The following ORM1 variants were observed in gnomAD, a reference collection of about 807,000 sequenced individuals.
The protein encoded by ORM1 is alpha-1-acid glycoprotein 1.
In ORM1, 13 loss-of-function variants were observed where a neutral mutation model predicts 26.9. That is an observed-to-expected ratio of 0.48 (90% CI 0.31 to 0.77). ORM1 has a LOEUF of 0.77. ORM1 is among the 30% of genes least tolerant of loss of function. The pLI, the probability that ORM1 is intolerant of heterozygous loss-of-function variation, is 0.04. For missense variants in ORM1, 189 were observed against 246.8 expected (o/e 0.77, Z 1.57); for synonymous variants, 76 against 102.2 (o/e 0.74, Z 1.55).
At chr9:114,324,650 G>A (rs1829739185) in intron 3 of ORM1, 140 bp from the exon 4 acceptor site, 1 of 729,986 alleles carries the variant, frequency 1.4e-6, no homozygotes, top group East Asian at 2.7e-5. Flanking sequence ...GCAGGGGCTG[G>A]GCACACGGTG....
chr9:114,323,642 C>G, intron 1 of ORM1, 21 bp from the exon 2 acceptor site: 2 of 1,614,018 alleles, frequency 1.2e-6, no homozygotes, highest in Non-Finnish European at 1.7e-6. Context: ...CCCCCATCAC[C>G]AGCTCCCACC....
rs1126801 is a variant in ORM1, at chr9:114,325,132, G to A, written c.520G>A (p.Val174Met). The A allele has an allele frequency of 0.023, 36,809 of 1,603,804 alleles. 483 individuals carry two copies. The highest frequency in any genetic ancestry group is 0.045 in the African/African-American group (3,261 of 73,032). Residue 174 changes from valine to methionine, a missense_variant, in exon 5 of 6, where the codon GTG (valine) becomes ATG (methionine). This residue lies in a region of ORM1 where 163 missense variants were observed against 157.7 expected (regional missense o/e 1.03). Transcript: ENST00000259396. ...DCLRIPKSDV[V>M]YTDWKKDKCE... ...CTTGCGCATTCCCAAGTCAGATGTC[G>A]TGTACACCGATTGGAAAAAGGTAAA... is the stretch of plus-strand genomic sequence containing the variant.
chr9:114,325,809 C>A (rs1267662623), intron 5 of ORM1, among the ~76,000 whole-genome samples: 9 of 152,082 alleles, frequency 5.9e-5, no homozygotes, highest in Non-Finnish European at 4.4e-5. Context: ...GAGATGACCA[C>A]CAGTGGTGTG....
At chr9:114,326,213 T>C (rs1829766197) in intron 5 of ORM1, 79 bp from the exon 6 acceptor site, 2 of 1,586,486 alleles carry the variant, frequency 1.3e-6, no homozygotes, top group Admixed American at 1.8e-5. Flanking sequence ...GAGCTCATTC[T>C]GCCCTCTCCC....
rs562745161 is a variant in ORM1, at chr9:114,325,114, A to T, written c.502A>T (p.Ile168Phe). ...CTACGAAGCTCTCGACTGCTTGCGCATTCCCAAGTCAGATGTCGTGTACAC... is the reference window on the plus strand; with the variant it reads ...CTACGAAGCTCTCGACTGCTTGCGCTTTCCCAAGTCAGATGTCGTGTACAC... ...EFYEALDCLR[I>F]PKSDVVYTDW... The change falls in exon 5 of 6, where the codon ATT becomes TTT. Residue 168 changes from isoleucine (I) to phenylalanine (F), a missense_variant. Coordinates refer to ENST00000259396, the MANE Select transcript of ORM1 (RefSeq NM_000607.4). 1 of 1,614,010 alleles carries T rather than the reference A, an allele frequency of 6.2e-7. No individual in the cohort carries two copies. The highest frequency in any genetic ancestry group is 8.5e-7 in the Non-Finnish European group (1 of 1,179,878).
intron 2 of ORM1, 67 bp from the exon 3 acceptor site, chr9:114,323,951 T>C (rs1829725844): frequency 1.9e-6 from 3 of 1,600,450 alleles, no homozygotes; most frequent in Admixed American, 1.7e-5. Flanking sequence ...GCCCCAGGAC[T>C]GTGATGGGCG....
intron 3 of ORM1, among the ~76,000 whole-genome samples, 158 bp downstream of exon 3, chr9:114,324,246 G>A (rs1300842323): frequency 6.6e-6 from 1 of 152,150 alleles, no homozygotes; most frequent in African/African-American, 2.4e-5. Context: ...ACTCTAAGAG[G>A]ACACTGAGAG....
At chr9:114,323,953 T>A (rs1022005069) in intron 2 of ORM1, 65 bp from the exon 3 acceptor site, 9 of 1,602,060 alleles carry the variant, frequency 5.6e-6, no homozygotes, top group East Asian at 4.5e-5. Context: ...CCCAGGACTG[T>A]GATGGGCGAT....
rs188438363 is a variant in ORM1 at position 114,323,345 on chromosome 9, C to T, written c.114+98C>T. 240 of 1,605,118 alleles carry T rather than the reference C, an allele frequency of 1.5e-4. No individual in the cohort carries two copies. The African/African-American group carries it at 2.6e-3, about 18-fold the overall frequency. On this transcript the variant is annotated intron_variant, in intron 1 of 5. Coordinates refer to ENST00000259396, the MANE Select transcript of ORM1 (RefSeq NM_000607.4). ...CTGGCTGTGGTCGGACCCCCACTCC[C>T]GGCTCTGCCTTTTTCTCTTCTGGGT...
In ORM1 at chr9:114,325,158, C is replaced by T. The variant is rs148835446; in HGVS notation, c.540+6C>T. On this transcript the variant is annotated splice_donor_region_variant and intron_variant, in intron 5 of 5. Transcript: ENST00000259396. ...TGTACACCGATTGGAAAAAGGTAAACGCAAGGGATTGGACAGTGCCCACCT... is the reference window on the plus strand; with the variant it reads ...TGTACACCGATTGGAAAAAGGTAAATGCAAGGGATTGGACAGTGCCCACCT... The T allele has an allele frequency of 2.9e-4, 467 of 1,613,486 alleles. 9 individuals carry two copies. In the African/African-American group the frequency reaches 3.4e-3, roughly 12 times the overall value.
rs1333511008 is a variant in ORM1 at position 114,323,998 on chromosome 9, C to A, written c.258-20C>A. ...CTCAATAATCTTCCTGTTTTCCTTC[C>A]GCCTTCTGTTTGGCTTTAGACAGGA... is the stretch of plus-strand genomic sequence containing the variant. On this transcript the variant is annotated intron_variant, in intron 2 of 5. Coordinates refer to ENST00000259396, the MANE Select transcript of ORM1 (RefSeq NM_000607.4). 1 of 1,613,372 alleles carries A rather than the reference C, an allele frequency of 6.2e-7. No individual in the cohort carries two copies.
Position 114,326,361 on chromosome 9 carries a change from G to A in ORM1, c.*4G>A, listed in dbSNP as rs1159083496. 6.4e-7 allele frequency: 1 copy of A among 1,565,832 alleles called. No homozygotes were observed. Among genetic ancestry groups the A allele is most frequent in the South Asian group, 1.2e-5 (1 of 85,770 alleles). ...ACAGGAGGAGGGGGAATCCTAGCAGGACACAGCCTTGGATCAGGACAGAGA... is the reference window on the plus strand; with the variant it reads ...ACAGGAGGAGGGGGAATCCTAGCAGAACACAGCCTTGGATCAGGACAGAGA... On this transcript the variant is annotated 3_prime_UTR_variant, in exon 6 of 6. Coordinates refer to ENST00000259396, the MANE Select transcript of ORM1 (RefSeq NM_000607.4).
chr9:114,324,711 ACCTAGG>A lies in ORM1; in HGVS notation c.329-75_329-70del, dbSNP rs1829740381. 11 of 1,194,326 alleles carry A rather than the reference ACCTAGG, an allele frequency of 9.2e-6. No individual in the cohort carries two copies. In the East Asian group the frequency reaches 2.6e-4, roughly 28 times the overall value. The allele number at this position is 1,194,326 out of a possible 1,614,324, so 74.0% of individuals were successfully genotyped here. On this transcript the variant is annotated intron_variant, in intron 3 of 5. Coordinates refer to ENST00000259396, the MANE Select transcript of ORM1 (RefSeq NM_000607.4). ...TGATGGGCTGTGTGGCCACTGACAC[ACCTAGG>A]CCTCCTCACCTGTAAGACAGACACC...
intron 5 of ORM1, 106 bp from the exon 6 acceptor site, chr9:114,326,186 G>A: frequency 6.5e-7 from 1 of 1,538,608 alleles, no homozygotes; most frequent in Non-Finnish European, 8.8e-7. Flanking sequence ...CCCTGGTTGA[G>A]CTGGTTCCAC....
At chr9:114,325,223 C>A in intron 5 of ORM1, 71 bp downstream of exon 5, 1 of 1,452,380 alleles carries the variant, frequency 6.9e-7, no homozygotes, top group Non-Finnish European at 9.6e-7. Flanking sequence ...AGGCCCAGAG[C>A]AGGAGAGCTG....
chr9:114,325,706 C>T (rs1371268013), intron 5 of ORM1, among the ~76,000 whole-genome samples: 1 of 152,238 alleles, frequency 6.6e-6, no homozygotes, highest in Non-Finnish European at 1.5e-5. Flanking sequence ...TGTGAAATCA[C>T]AGCACCGATG....
chr9:114,324,790 T>A lies in ORM1; in HGVS notation c.329T>A (p.Val110Glu), dbSNP rs370750676. Residue 110 changes from valine to glutamate, a missense_variant and splice_region_variant, in exon 4 of 6, where the codon GTG (valine) becomes GAG (glutamate). By Grantham distance (121) the Val-to-Glu change is moderately radical (BLOSUM62 -2). This residue lies in a region of ORM1 where 163 missense variants were observed against 157.7 expected (regional missense o/e 1.03). Coordinates refer to ENST00000259396, the MANE Select transcript of ORM1 (RefSeq NM_000607.4). The part of the protein sequence containing the change: ...QRENGTISRY[V>E]GGQEHFAHLL... ...CCCAGAGGCTCCTTTTCTCTTCCAG[T>A]GGGAGGCCAAGAGCATTTCGCTCAC... The A allele has an allele frequency of 1.2e-5, 19 of 1,612,676 alleles. No individual in the cohort carries two copies. The highest frequency in any genetic ancestry group is 2.7e-5 in the African/African-American group (2 of 75,034).
chr9:114,325,175 T>C, intron 5 of ORM1, 23 bp downstream of exon 5: 1 of 1,606,460 alleles, frequency 6.2e-7, no homozygotes, highest in Non-Finnish European at 8.5e-7. Flanking sequence ...GATTGGACAG[T>C]GCCCACCTTG....
chr9:114,323,978 T>A, intron 2 of ORM1, 40 bp from the exon 3 acceptor site: 1 of 1,610,828 alleles, frequency 6.2e-7, no homozygotes, highest in Non-Finnish European at 8.5e-7. Flanking sequence ...CACTTCTCAA[T>A]AATCTTCCTG....
Sources: allele counts gnomAD v4.1 joint callset (sites outside exome capture counted in the v4.1 genomes callset), GRCh38; gene constraint gnomAD v4.1.1; regional missense constraint gnomAD v4.1.1; transcripts MANE v1.5; gene names NCBI Gene and HGNC (gene_info 2026-07-23, HGNC 2026-07-21).